The following ARID5B variants were observed in gnomAD, a reference collection of about 807,000 sequenced individuals.
ARID5B encodes the protein AT-rich interactive domain-containing protein 5B.
Under a neutral mutation model 97.2 loss-of-function variants are expected in ARID5B, and 13 were observed. The observed-to-expected ratio is 0.13, with a 90% CI of 0.09 to 0.21. The LOEUF is 0.21. Among genes scored for constraint, ARID5B ranks in the 10% least tolerant of loss-of-function variants. The pLI is 1.00. For synonymous variants in ARID5B, 556 were observed against 570.3 expected, an observed-to-expected ratio of 0.97 and a Z score of 0.36; for missense variants, 1,210 against 1,465.3, an observed-to-expected ratio of 0.83 and a Z score of 2.84.
At chr10:62,075,607 AG>A (rs1840120429) in intron 8 of ARID5B, among the ~76,000 whole-genome samples, 1 of 152,242 alleles carries the variant, frequency 6.6e-6, no homozygotes, top group Non-Finnish European at 1.5e-5. Context: ...ATCAGCGTCC[AG>A]GAGCTTGTCA....
chr10:62,060,092 CA>C (rs1839903463), intron 7 of ARID5B, among the ~76,000 whole-genome samples: 1 of 152,316 alleles, frequency 6.6e-6, no homozygotes, highest in South Asian at 2.1e-4. Context: ...TTTCTTCTTG[CA>C]ATTGAATAAG....
Position 61,940,276 on chromosome 10 carries a change from T to C in ARID5B, c.370T>C (p.Phe124Leu), listed in dbSNP as rs2132795719. The C allele has an allele frequency of 6.2e-7, 1 of 1,614,184 alleles. No homozygotes were observed. The highest frequency in any genetic ancestry group is 1.7e-5 in the Admixed American group (1 of 60,020). Residue 124 changes from phenylalanine to leucine, a missense_variant, in exon 3 of 10, where the codon TTC becomes CTC. Physicochemically the swap from Phe to Leu is conservative, Grantham distance 22. This residue lies in a region of ARID5B where 82 missense variants were observed against 79.3 expected (regional missense o/e 1.03). Transcript: ENST00000279873. ...TGATTTCTCCAAGTGGAGATGTGGCTTCCACGCTGGACCAGTGAAAACTGA... is the reference window on the plus strand; with the variant it reads ...TGATTTCTCCAAGTGGAGATGTGGCCTCCACGCTGGACCAGTGAAAACTGA... ...HSDFSKWRCG[F>L]HAGPVKTEAL...
chr10:62,036,914 T>C (rs937937681), intron 4 of ARID5B, among the ~76,000 whole-genome samples: 1 of 152,202 alleles, frequency 6.6e-6, no homozygotes, highest in African/African-American at 2.4e-5. Flanking sequence ...AATTCCATCA[T>C]TTTATAAATG....
Position 61,940,332 on chromosome 10 carries a change from T to C in ARID5B, c.426T>C (p.Ala142=). Residue 142 remains alanine (A), a synonymous_variant, in exon 3 of 10, where the codon GCT becomes GCC. Transcript: ENST00000279873. The part of the protein sequence containing the change: ...EALGRNGQKE[A]LLKYRQSTLN... ...TGGGAAGGAATGGACAGAAGGAAGC[T>C]CTGCTGAAGTACAGGCAGTCAACCC... 2 of 1,614,132 alleles carry C rather than the reference T, an allele frequency of 1.2e-6. No individual in the cohort carries two copies. Among genetic ancestry groups the C allele is most frequent in the Non-Finnish European group, 1.7e-6 (2 of 1,180,012 alleles).
chr10:61,955,274 C>T (rs1009557287), intron 3 of ARID5B, among the ~76,000 whole-genome samples: 1 of 152,048 alleles, frequency 6.6e-6, no homozygotes, highest in Non-Finnish European at 1.5e-5. Context: ...TCTATGCTCA[C>T]GCAGAAAGGG....
chr10:62,085,744 T>C lies in ARID5B; in HGVS notation c.1242T>C (p.Asp414=), dbSNP rs1840271460. The C allele has an allele frequency of 6.2e-7, 1 of 1,612,992 alleles. No homozygotes were observed. Among genetic ancestry groups the C allele is most frequent in the Non-Finnish European group, 8.5e-7 (1 of 1,179,730 alleles). Reference sequence around the variant, plus strand: ...AAAGATTTATTAAAGGAGAAGAAGATAAGCCCCTGCCTCCAATCAAACCTC... The same window carrying C: ...AAAGATTTATTAAAGGAGAAGAAGACAAGCCCCTGCCTCCAATCAAACCTC... The part of the protein sequence containing the change: ...PYERFIKGEE[D]KPLPPIKPRK... Residue 414 remains aspartate, a synonymous_variant, in exon 9 of 10, where the codon GAT becomes GAC. Transcript: ENST00000279873.
rs1409191883 is a variant in ARID5B, at chr10:62,093,803, G to T, written c.*773G>T. The T allele has an allele frequency of 4.3e-6, 1 of 233,212 alleles. No individual in the cohort carries two copies. Among genetic ancestry groups the T allele is most frequent in the South Asian group, 1.8e-4 (1 of 5,522 alleles). The allele number at this position is 233,212 out of a possible 1,614,324, so 14.4% of individuals were successfully genotyped here. On this transcript the variant is annotated 3_prime_UTR_variant, in exon 10 of 10. Transcript: ENST00000279873. ...ATCTTATTTTGAGCAGCTTTGGGTGGTAAAGTTATTGTTTACAAATTGAAG... is the reference window on the plus strand; with the variant it reads ...ATCTTATTTTGAGCAGCTTTGGGTGTTAAAGTTATTGTTTACAAATTGAAG...
At position 61,940,425 on chromosome 10, in the gene ARID5B, A is replaced by G; in HGVS notation, c.502+17A>G. On this transcript the variant is annotated intron_variant, in intron 3 of 9. Coordinates refer to ENST00000279873, the MANE Select transcript of ARID5B (RefSeq NM_032199.3). The stretch of plus-strand genomic sequence containing the variant: ...CAGACCTGGGTAAATATGACTTGTA[A>G]TTTTAAATCTAATGTGTGGGCGTAT... 1 of 1,600,180 alleles carries G rather than the reference A, an allele frequency of 6.2e-7. No homozygotes were observed. Among genetic ancestry groups the G allele is most frequent in the African/African-American group, 1.3e-5 (1 of 74,844 alleles).
rs71299289 is a variant in ARID5B, at chr10:62,087,298, C to CAAAAAAAAA, written c.1398+1410_1398+1418dup. On this transcript the variant is annotated intron_variant, in intron 9 of 9. Transcript: ENST00000279873. ...TGGGTGACAGAGAGAGACTCTATCTCAAAAAAAAAAAAAAAAAAAAGGAAA... is the reference window on the plus strand; with the variant it reads ...TGGGTGACAGAGAGAGACTCTATCTCAAAAAAAAAAAAAAAAAAAAAAAAAAAAAGGAAA... 5.6e-3 allele frequency among the ~76,000 whole-genome samples: 228 copies of CAAAAAAAAA among 40,884 alleles called. 23 individuals carry two copies. Among genetic ancestry groups the CAAAAAAAAA allele is most frequent in the Middle Eastern group, 0.045 (1 of 22 alleles). 26.8% of individuals were successfully genotyped at this position (40,884 alleles called of 152,430 possible). A position where few individuals can be genotyped will look rare whatever the true frequency, so the allele number is the denominator to read the frequency against.
At chr10:62,040,851 G>T (rs980063055) in intron 4 of ARID5B, among the ~76,000 whole-genome samples, 1 of 152,176 alleles carries the variant, frequency 6.6e-6, no homozygotes, top group East Asian at 1.9e-4. Flanking sequence ...CAAGGGACAC[G>T]TGGCTAGCGG....
At chr10:61,908,962 T>C (rs931601490) in intron 2 of ARID5B, among the ~76,000 whole-genome samples, 1 of 152,202 alleles carries the variant, frequency 6.6e-6, no homozygotes, top group African/African-American at 2.4e-5. Context: ...CACTATTTAT[T>C]TGTAGCATTT....
chr10:62,056,377 G>T (rs903509459), intron 5 of ARID5B, among the ~76,000 whole-genome samples: 5 of 152,140 alleles, frequency 3.3e-5, no homozygotes, highest in Non-Finnish European at 2.9e-5. Context: ...ATTAAACAGT[G>T]AGATCTTTTG....
chr10:61,988,891 AAAAAT>A (rs1838882875), intron 3 of ARID5B, among the ~76,000 whole-genome samples: 2 of 152,080 alleles, frequency 1.3e-5, no homozygotes, highest in Admixed American at 1.3e-4. Flanking sequence ...CTTACTATGA[AAAAAT>A]AATGTAAATA....
chr10:61,902,326 G>A lies in ARID5B; in HGVS notation c.189G>A (p.Glu63=), dbSNP rs1306253740. 6.2e-7 allele frequency: 1 copy of A among 1,614,176 alleles called. No individual in the cohort carries two copies. Among genetic ancestry groups the A allele is most frequent in the Non-Finnish European group, 8.5e-7 (1 of 1,180,042 alleles). The change falls in exon 2 of 10, where the codon GAG becomes GAA. Residue 63 remains glutamate, a synonymous_variant. Transcript: ENST00000279873. The stretch of plus-strand genomic sequence containing the variant: ...CGGAGCTCCAGCTGTTGTGGGAAGA[G>A]AGGACCAGCCGGCAACTTTTATCCA... The part of the protein sequence containing the change: ...CIAELQLLWE[E]RTSRQLLSSS...
At chr10:62,010,107 G>A (rs1475634721) in intron 4 of ARID5B, among the ~76,000 whole-genome samples, 2 of 152,118 alleles carry the variant, frequency 1.3e-5, no homozygotes, top group East Asian at 1.9e-4. Flanking sequence ...TAGAACCCAG[G>A]GGAAGTTTCT....
intron 4 of ARID5B, among the ~76,000 whole-genome samples, chr10:62,007,922 C>T (rs1329493554): frequency 6.6e-6 from 1 of 152,114 alleles, no homozygotes; most frequent in East Asian, 1.9e-4. Context: ...ATCCCTCTTC[C>T]ACAAGCCCAG....
At chr10:61,990,945 G>A (rs1364939701) in intron 3 of ARID5B, among the ~76,000 whole-genome samples, 1 of 151,332 alleles carries the variant, frequency 6.6e-6, no homozygotes, top group Non-Finnish European at 1.5e-5. Flanking sequence ...CCTGCACCTA[G>A]CAACTTCTAT....
In ARID5B at chr10:62,091,786, C is replaced by T; in HGVS notation, c.2323C>T (p.His775Tyr). The T allele has an allele frequency of 6.2e-7, 1 of 1,614,078 alleles. No homozygotes were observed. Among genetic ancestry groups the T allele is most frequent in the Middle Eastern group, 1.6e-4 (1 of 6,062 alleles). The change falls in exon 10 of 10, where the codon CAT becomes TAT. Residue 775 changes from histidine (H) to tyrosine (Y), a missense_variant. Physicochemically the swap from His to Tyr is moderately conservative, Grantham distance 83. Transcript: ENST00000279873. The stretch of plus-strand genomic sequence containing the variant: ...AAAGACCATCAATGACATCTTTAAG[C>T]ATGAGAAACTGAGTCGATCAGATCC... ...ERKTINDIFK[H>Y]EKLSRSDPHR... is the part of the protein sequence containing the mutation.
intron 3 of ARID5B, among the ~76,000 whole-genome samples, chr10:61,975,737 TTGCC>T (rs1252084548): frequency 2.0e-5 from 3 of 152,116 alleles, no homozygotes; most frequent in Non-Finnish European, 4.4e-5. Context: ...TTTGGTGACT[TTGCC>T]TGTCTATTAA....
Sources: gnomAD v4.1 joint callset for allele counts (sites outside exome capture counted in the v4.1 genomes callset) on GRCh38, gnomAD v4.1.1 for gene constraint, gnomAD v4.1.1 regional missense constraint, MANE v1.5 for transcripts, NCBI Gene and HGNC (gene_info 2026-07-23, HGNC 2026-07-21) for gene names.